HERC4: variants seen among roughly 807,000 people sequenced by gnomAD.
HERC4 encodes the protein HECT and RLD domain containing E3 ubiquitin protein ligase 4.
A neutral mutation model predicts 124.3 loss-of-function variants in HERC4; 28 were observed. The ratio of observed to expected loss-of-function variants is 0.23; its 90% confidence interval spans 0.17 to 0.31. The LOEUF is 0.31. Ranked by LOEUF, HERC4 falls within the 10% of genes least tolerant of loss-of-function variation. The probability of loss-of-function intolerance (pLI) is 1.00; values close to 1 mark genes in which losing one functional copy is unlikely to be tolerated. For synonymous variants in HERC4, 407 were observed against 421.5 expected, an observed-to-expected ratio of 0.97 and a Z score of 0.42; for missense variants, 713 against 1,229.3, an observed-to-expected ratio of 0.58 and a Z score of 6.28.
chr10:67,931,510 C>T lies in HERC4; in HGVS notation c.2838+1087G>A, dbSNP rs542795431. Among the ~76,000 whole-genome samples, 21 of 152,122 alleles carry T rather than the reference C, an allele frequency of 1.4e-4. No homozygotes were observed. In the East Asian group the frequency reaches 3.7e-3, roughly 27 times the overall value. ...CGCGATCTTGGCTCACTGCAACCTC[C>T]GCTTCCCAGGTTCAAGCAATTCTCC... On this transcript the variant is annotated intron_variant, in intron 23 of 24. Transcript: ENST00000373700.
At chr10:67,925,228 C>T in intron 23 of HERC4, 41 bp from the exon 24 acceptor site, 1 of 1,136,668 alleles carries the variant, frequency 8.8e-7, no homozygotes, top group Non-Finnish European at 1.3e-6. Flanking sequence ...AAGGGACACA[C>T]TGGCTAATAT....
intron 9 of HERC4, among the ~76,000 whole-genome samples, chr10:68,001,448 T>C (rs2037226037): frequency 6.6e-6 from 1 of 152,170 alleles, no homozygotes; most frequent in African/African-American, 2.4e-5. Flanking sequence ...TGTTAATTCA[T>C]GCTGGGGGCC....
intron 19 of HERC4, among the ~76,000 whole-genome samples, chr10:67,952,534 A>T (rs913976732): frequency 1.3e-5 from 2 of 151,946 alleles, no homozygotes; most frequent in Non-Finnish European, 2.9e-5. Flanking sequence ...GGCCTCCCAA[A>T]GAGCTGGGAT....
intron 9 of HERC4, among the ~76,000 whole-genome samples, chr10:68,002,675 T>C (rs2037301986): frequency 6.7e-6 from 1 of 149,726 alleles, no homozygotes; most frequent in African/African-American, 2.4e-5. Flanking sequence ...CTCAGCTCAC[T>C]GCAACCTCTG....
intron 15 of HERC4, among the ~76,000 whole-genome samples, chr10:67,967,294 T>A (rs1032414210): frequency 1.3e-5 from 2 of 152,162 alleles, no homozygotes; most frequent in Non-Finnish European, 2.9e-5. Flanking sequence ...ACACAAAGAT[T>A]TGTAAGATGT....
chr10:67,940,887 C>T (rs1415242569), intron 20 of HERC4, 52 bp downstream of exon 20: 2 of 1,457,630 alleles, frequency 1.4e-6, no homozygotes, highest in African/African-American at 1.5e-5. Flanking sequence ...GTACCTTCCC[C>T]ACTTTTTACC....
chr10:67,961,978 T>C (rs1319465192), intron 16 of HERC4, among the ~76,000 whole-genome samples: 2 of 152,194 alleles, frequency 1.3e-5, no homozygotes, highest in African/African-American at 4.8e-5. Flanking sequence ...GATTACACTC[T>C]GTTTAGCTAG....
intron 16 of HERC4, chr10:67,966,347 T>C (rs2034862582): frequency 4.3e-6 from 1 of 231,480 alleles, no homozygotes; most frequent in African/African-American, 2.4e-5. Flanking sequence ...GTATGAAGAA[T>C]GCCAGTATTT....
intron 3 of HERC4, among the ~76,000 whole-genome samples, chr10:68,049,901 G>A (rs527661644): frequency 1.8e-4 from 28 of 151,840 alleles, no homozygotes; most frequent in African/African-American, 6.0e-4. Context: ...ATAGTAAGAC[G>A]GTCTCAAAAC....
chr10:67,958,705 A>C (rs1437072629), intron 16 of HERC4, among the ~76,000 whole-genome samples: 1 of 152,242 alleles, frequency 6.6e-6, no homozygotes, highest in East Asian at 1.9e-4. Flanking sequence ...AGTATCAATT[A>C]ATCAATTTTA....
chr10:68,066,075 AT>A (rs2041288652), intron 3 of HERC4, among the ~76,000 whole-genome samples: 2 of 152,092 alleles, frequency 1.3e-5, no homozygotes, highest in Non-Finnish European at 2.9e-5. Context: ...TTCTACTAAC[AT>A]TATCCAAGCC....
intron 15 of HERC4, among the ~76,000 whole-genome samples, chr10:67,968,882 T>C (rs1429062576): frequency 6.6e-6 from 1 of 152,090 alleles, no homozygotes; most frequent in Non-Finnish European, 1.5e-5. Context: ...TAGAAAAAAA[T>C]AGACAAAACC....
chr10:68,010,621 T>C, intron 9 of HERC4: 2 of 1,395,110 alleles, frequency 1.4e-6, no homozygotes, highest in Non-Finnish European at 2.0e-6. Flanking sequence ...GCTTTGCATA[T>C]CTCCTGAATA....
chr10:68,044,684 C>A, intron 3 of HERC4, 121 bp from the exon 4 acceptor site: 2 of 863,660 alleles, frequency 2.3e-6, no homozygotes, highest in Admixed American at 5.0e-5. Context: ...TACAAACAAG[C>A]TAAAGAAATG....
At chr10:67,964,979 G>C (rs1014806544) in intron 16 of HERC4, 4 of 152,034 alleles carry the variant, frequency 2.6e-5, no homozygotes, top group African/African-American at 9.7e-5. Context: ...TCACTATGTT[G>C]GTCAGGCTGG....
intron 10 of HERC4, 51 bp from the exon 11 acceptor site, chr10:67,992,374 C>A: frequency 3.8e-6 from 6 of 1,574,974 alleles, no homozygotes; most frequent in Non-Finnish European, 5.2e-6. Flanking sequence ...ATATATAACT[C>A]AAAAACCAAG....
intron 3 of HERC4, chr10:68,069,017 ACAC>A (rs2041440729): frequency 1.0e-6 from 1 of 981,626 alleles, no homozygotes; most frequent in South Asian, 4.7e-5. Context: ...TTTAAACAGA[ACAC>A]CACTTTATTT....
intron 2 of HERC4, among the ~76,000 whole-genome samples, chr10:68,073,431 A>C (rs1288631385): frequency 2.0e-5 from 3 of 152,218 alleles, no homozygotes; most frequent in Non-Finnish European, 4.4e-5. Context: ...CATATTAACT[A>C]GTTTTGACTT....
At chr10:68,027,660 C>G (rs943553250) in intron 7 of HERC4, among the ~76,000 whole-genome samples, 4 of 152,150 alleles carry the variant, frequency 2.6e-5, no homozygotes, top group African/African-American at 7.2e-5. Context: ...CGGTGGCTCA[C>G]GCCTATAATC....
Sources: gnomAD v4.1 joint callset for allele counts (sites outside exome capture counted in the v4.1 genomes callset) on GRCh38, gnomAD v4.1.1 for gene constraint, MANE v1.5 for transcripts, NCBI Gene and HGNC (gene_info 2026-07-23, HGNC 2026-07-21) for gene names.